Variants in GFRAL observed in about 807,000 individuals in gnomAD.
The protein encoded by GFRAL is GDNF family receptor alpha like, also known as GDNF family receptor alpha-like.
A neutral mutation model predicts 45.4 loss-of-function variants in GFRAL; 36 were observed. The observed-to-expected ratio is 0.79, with a 90% CI of 0.61 to 1.05. The LOEUF (loss-of-function observed/expected upper bound fraction) is 1.05. Among genes scored for constraint, GFRAL ranks in the 50% least tolerant of loss-of-function variants. GFRAL has a pLI of 0.00. For missense variants in GFRAL, 507 were observed against 467.5 expected (o/e 1.08, Z -0.78); for synonymous variants, 166 against 154.1 (o/e 1.08, Z -0.57).
chr6:55,389,118 G>T (rs2127365020), intron 6 of GFRAL, among the ~76,000 whole-genome samples: 1 of 152,042 alleles, frequency 6.6e-6, no homozygotes, highest in African/African-American at 2.4e-5. Flanking sequence ...TTAAGTTCAG[G>T]GGTACATGTG....
intron 8 of GFRAL, among the ~76,000 whole-genome samples, chr6:55,400,977 C>A (rs1768889501): frequency 6.6e-6 from 1 of 151,976 alleles, no homozygotes; most frequent in South Asian, 2.1e-4. Flanking sequence ...TTCCATGATC[C>A]CACTGGTTTT....
intron 6 of GFRAL, among the ~76,000 whole-genome samples, chr6:55,389,317 G>A (rs1204995185): frequency 6.6e-6 from 1 of 151,824 alleles, no homozygotes; most frequent in Non-Finnish European, 1.5e-5. Flanking sequence ...ATATTGAAAG[G>A]GTATAGAAAA....
At chr6:55,388,265 A>G (rs1407666809) in intron 6 of GFRAL, among the ~76,000 whole-genome samples, 3 of 152,188 alleles carry the variant, frequency 2.0e-5, no homozygotes, top group Non-Finnish European at 2.9e-5. Flanking sequence ...GCCAGAGTCC[A>G]CTAGTTCCTG....
Position 55,401,845 on chromosome 6 carries a change from G to T in GFRAL, c.1177G>T (p.Glu393Ter), listed in dbSNP as rs1164858588. 1.3e-6 allele frequency: 2 copies of T among 1,510,942 alleles called. No homozygotes were observed. Among genetic ancestry groups the T allele is most frequent in the Admixed American group, 3.3e-5 (2 of 59,796 alleles). The allele number at this position is 1,510,942 out of a possible 1,614,324, so 93.6% of individuals were successfully genotyped here. Residue 393 changes from glutamate (E) to a stop codon, truncating the protein, a stop_gained, in exon 9 of 9, where the codon GAA (glutamate) becomes TAA (stop). Coordinates refer to ENST00000340465, the MANE Select transcript of GFRAL (RefSeq NM_207410.2). LOFTEE classifies it high-confidence loss of function. The stretch of plus-strand genomic sequence containing the variant: ...TCCTTCATCGATCCAAATACCTGGA[G>T]AACTCTGATTCATTAGGAGTCATGG... ...RDPSSIQIPGEL is the reference protein window; with the variant it reads ...RDPSSIQIPG
At position 55,401,829 on chromosome 6, in the gene GFRAL, G is replaced by C; in HGVS notation, c.1161G>C (p.Ser387=). The stretch of plus-strand genomic sequence containing the variant: ...CAAGTAAAGCAAGAGATCCTTCATC[G>C]ATCCAAATACCTGGAGAACTCTGAT... ...RISSKARDPS[S]IQIPGEL is the part of the protein sequence containing the mutation. The change falls in exon 9 of 9, where the codon TCG becomes TCC. Residue 387 remains serine (S), a synonymous_variant. Coordinates refer to ENST00000340465, the MANE Select transcript of GFRAL (RefSeq NM_207410.2). The C allele has an allele frequency of 1.3e-6, 2 of 1,538,950 alleles. No individual in the cohort carries two copies. Among genetic ancestry groups the C allele is most frequent in the Non-Finnish European group, 1.8e-6 (2 of 1,111,214 alleles).
chr6:55,355,929 A>T (rs1320808775), intron 5 of GFRAL, among the ~76,000 whole-genome samples: 3 of 151,960 alleles, frequency 2.0e-5, no homozygotes, highest in Non-Finnish European at 4.4e-5. Flanking sequence ...GGCTTTTATC[A>T]TGAAGGAACG....
intron 3 of GFRAL, among the ~76,000 whole-genome samples, chr6:55,337,187 A>G (rs1400721823): frequency 6.6e-6 from 1 of 151,800 alleles, no homozygotes; most frequent in Non-Finnish European, 1.5e-5. Context: ...GCTTGATCAC[A>G]TTTTTTCCTT....
At chr6:55,392,750 G>T (rs1195864138) in intron 6 of GFRAL, among the ~76,000 whole-genome samples, 1 of 151,678 alleles carries the variant, frequency 6.6e-6, no homozygotes, top group Non-Finnish European at 1.5e-5. Context: ...AGGAGGGAGA[G>T]GATTAAAAAA....
chr6:55,342,024 T>A (rs1345232562), intron 3 of GFRAL, among the ~76,000 whole-genome samples: 2 of 152,088 alleles, frequency 1.3e-5, no homozygotes, highest in East Asian at 1.9e-4. Flanking sequence ...TGGGACTATA[T>A]GAAAAGACCA....
At chr6:55,339,748 T>A (rs916636027) in intron 3 of GFRAL, among the ~76,000 whole-genome samples, 2 of 152,210 alleles carry the variant, frequency 1.3e-5, no homozygotes, top group Non-Finnish European at 1.5e-5. Flanking sequence ...AATGTTAGCA[T>A]GCTGAAATGC....
intron 1 of GFRAL, among the ~76,000 whole-genome samples, chr6:55,328,522 T>C (rs1035500010): frequency 6.6e-6 from 1 of 151,910 alleles, no homozygotes; most frequent in African/African-American, 2.4e-5. Context: ...TTTTCTTTTG[T>C]TTAAGTAATA....
At chr6:55,363,729 T>C (rs1357519842) in intron 6 of GFRAL, among the ~76,000 whole-genome samples, 2 of 151,382 alleles carry the variant, frequency 1.3e-5, no homozygotes, top group Non-Finnish European at 2.9e-5. Flanking sequence ...AGAATGATGA[T>C]TTCCAATTTC....
intron 2 of GFRAL, among the ~76,000 whole-genome samples, chr6:55,333,371 T>C (rs1478620980): frequency 6.6e-6 from 1 of 152,144 alleles, no homozygotes; most frequent in African/African-American, 2.4e-5. Context: ...AATTTAGAGC[T>C]ACCTGCACAT....
At chr6:55,342,140 C>G (rs535989676) in intron 3 of GFRAL, among the ~76,000 whole-genome samples, 21 of 152,302 alleles carry the variant, frequency 1.4e-4, no homozygotes, top group Middle Eastern at 3.4e-3. Context: ...TCTAGCAAGG[C>G]AGACCAACAT....
intron 3 of GFRAL, among the ~76,000 whole-genome samples, chr6:55,344,877 A>C (rs535130408): frequency 5.3e-5 from 8 of 152,222 alleles, no homozygotes; most frequent in Non-Finnish European, 8.8e-5. Context: ...AAAAATCACA[A>C]GCATTCCTAT....
chr6:55,351,363 C>T lies in GFRAL; in HGVS notation c.481C>T (p.Pro161Ser). 6.2e-7 allele frequency: 1 copy of T among 1,613,564 alleles called. No individual in the cohort carries two copies. Among genetic ancestry groups the T allele is most frequent in the Non-Finnish European group, 8.5e-7 (1 of 1,179,664 alleles). ...YLKACSANGN[P>S]CDLKQCQAAI... ...TAAAGCTTGCTCAGCAAATGGAAAT[C>T]CGTGTGATCTGAAACAGTGCCAAGC... Residue 161 changes from proline to serine, a missense_variant, in exon 5 of 9, where the codon CCG (proline) becomes TCG (serine). Coordinates refer to ENST00000340465, the MANE Select transcript of GFRAL (RefSeq NM_207410.2).
intron 3 of GFRAL, among the ~76,000 whole-genome samples, chr6:55,338,132 C>A (rs947409845): frequency 6.6e-6 from 1 of 151,984 alleles, no homozygotes; most frequent in African/African-American, 2.4e-5. Flanking sequence ...TCTCTGTCGC[C>A]CAGGCTGGAG....
chr6:55,391,653 G>A (rs1003661797), intron 6 of GFRAL, among the ~76,000 whole-genome samples: 5 of 152,208 alleles, frequency 3.3e-5, no homozygotes, highest in African/African-American at 1.2e-4. Context: ...AGGAGGCTGA[G>A]ACAGGAGGAT....
intron 3 of GFRAL, among the ~76,000 whole-genome samples, chr6:55,340,653 C>G (rs1767950779): frequency 6.6e-6 from 1 of 152,140 alleles, no homozygotes; most frequent in South Asian, 2.1e-4. Context: ...GTTCATCTCA[C>G]TGGGGCTTGT....
Sources: allele counts gnomAD v4.1 joint callset (sites outside exome capture counted in the v4.1 genomes callset), GRCh38; gene constraint gnomAD v4.1.1; transcripts MANE v1.5; gene names NCBI Gene and HGNC (gene_info 2026-07-23, HGNC 2026-07-21).